Variants in NRG3 observed in about 807,000 individuals in gnomAD.
NRG3 encodes the protein neuregulin 3.
Under a neutral mutation model 66.9 loss-of-function variants are expected in NRG3, and 31 were observed. The ratio of observed to expected loss-of-function variants is 0.46; its 90% CI spans 0.35 to 0.63. The LOEUF (loss-of-function observed/expected upper bound fraction) is 0.63. Ranked by LOEUF, NRG3 falls within the 20% of genes least tolerant of loss-of-function variation. NRG3 has a pLI of 0.00. For missense variants in NRG3, 910 were observed against 878.9 expected (o/e 1.04, Z -0.45); for synonymous variants, 393 against 359.4 (o/e 1.09, Z -1.06).
intron 1 of NRG3, among the ~76,000 whole-genome samples, chr10:82,233,201 A>G (rs1458048822): frequency 6.6e-6 from 1 of 152,246 alleles, no homozygotes; most frequent in Non-Finnish European, 1.5e-5. Flanking sequence ...CGTCTCTACT[A>G]AAAATACAAA....
chr10:82,201,354 T>C lies in NRG3; in HGVS notation c.824-157385T>C, dbSNP rs533905357. On this transcript the variant is annotated intron_variant, in intron 1 of 8. Transcript: ENST00000372141. ...AGCCAACAGTTCTTTGGTGTTCTAATACTGCTTGAGAATGGTTTTGATGTC... is the reference window on the plus strand; with the variant it reads ...AGCCAACAGTTCTTTGGTGTTCTAACACTGCTTGAGAATGGTTTTGATGTC... 2.0e-5 allele frequency among the ~76,000 whole-genome samples: 3 copies of C among 152,284 alleles called. No individual in the cohort carries two copies. The South Asian group carries it at 6.2e-4, about 32-fold the overall frequency.
chr10:82,127,061 C>T (rs1421216395), intron 1 of NRG3, among the ~76,000 whole-genome samples: 1 of 152,094 alleles, frequency 6.6e-6, no homozygotes, highest in Non-Finnish European at 1.5e-5. Context: ...AAAAATAAGC[C>T]TTTCCTAAAG....
At chr10:81,942,778 CGAG>C (rs1848510465) in intron 1 of NRG3, among the ~76,000 whole-genome samples, 1 of 152,124 alleles carries the variant, frequency 6.6e-6, no homozygotes, top group African/African-American at 2.4e-5. Context: ...ATAAGGACTA[CGAG>C]GACAGCAATA....
intron 2 of NRG3, among the ~76,000 whole-genome samples, chr10:82,525,016 G>T (rs2132582417): frequency 6.6e-6 from 1 of 152,002 alleles, no homozygotes; most frequent in South Asian, 2.1e-4. Context: ...GTGATATGCA[G>T]CAGTGATCCC....
At chr10:82,130,858 C>G (rs1056476529) in intron 1 of NRG3, among the ~76,000 whole-genome samples, 2 of 152,092 alleles carry the variant, frequency 1.3e-5, no homozygotes, top group African/African-American at 2.4e-5. Flanking sequence ...AATTTCTATT[C>G]AGATTTTTTG....
chr10:82,815,805 C>A (rs1334158292), intron 3 of NRG3, among the ~76,000 whole-genome samples: 1 of 152,166 alleles, frequency 6.6e-6, no homozygotes, highest in Non-Finnish European at 1.5e-5. Flanking sequence ...GGATCCCACA[C>A]CTGCTAAGGG....
chr10:82,450,313 A>G (rs77231465), intron 2 of NRG3, among the ~76,000 whole-genome samples: 2,255 of 152,204 alleles, frequency 0.015, 64 homozygotes, highest in African/African-American at 0.052. Context: ...CACAGATAAG[A>G]CCTGCAATAG....
At chr10:82,348,581 G>C (rs1273488621) in intron 1 of NRG3, among the ~76,000 whole-genome samples, 1 of 145,798 alleles carries the variant, frequency 6.9e-6, no homozygotes. Context: ...TCTTTGTGGC[G>C]TTCTCTGTAT....
chr10:82,795,087 G>T (rs968388695), intron 3 of NRG3, among the ~76,000 whole-genome samples: 1 of 152,204 alleles, frequency 6.6e-6, no homozygotes, highest in Admixed American at 6.5e-5. Context: ...TATGTTAAGT[G>T]AGTACTATCC....
chr10:82,765,264 A>C (rs2059472168), intron 3 of NRG3, among the ~76,000 whole-genome samples: 1 of 152,174 alleles, frequency 6.6e-6, no homozygotes, highest in Non-Finnish European at 1.5e-5. Context: ...ATAAAATTCA[A>C]TTATTTTTCT....
At chr10:82,733,999 G>C (rs1350858241) in intron 2 of NRG3, among the ~76,000 whole-genome samples, 1 of 152,216 alleles carries the variant, frequency 6.6e-6, no homozygotes, top group Non-Finnish European at 1.5e-5. Flanking sequence ...ACATCAGCAA[G>C]TGAGTGACCT....
At chr10:82,306,703 TAAAAAAAAAAAAAAAAA>T (rs71009805) in intron 1 of NRG3, among the ~76,000 whole-genome samples, 48 of 35,882 alleles carry the variant, frequency 1.3e-3, no homozygotes, top group Admixed American at 1.5e-3. Flanking sequence ...GACTCCGTCT[TAAAAAAAAAAAAAAAAA>T]AAAAAAAAAA....
intron 2 of NRG3, among the ~76,000 whole-genome samples, chr10:82,387,054 C>T (rs2086048026): frequency 6.6e-6 from 1 of 152,214 alleles, no homozygotes; most frequent in Admixed American, 6.5e-5. Flanking sequence ...CCCGCCTTGG[C>T]CTCACAAAGT....
At chr10:81,914,769 C>CAAAAAAAAA (rs58460918) in intron 1 of NRG3, among the ~76,000 whole-genome samples, 57 of 67,142 alleles carry the variant, frequency 8.5e-4, no homozygotes, top group African/African-American at 1.2e-3. Context: ...AAACAGAAAG[C>CAAAAAAAAA]AAAAAAAAAA....
At chr10:82,844,536 C>T (rs1436062965) in intron 3 of NRG3, among the ~76,000 whole-genome samples, 1 of 152,082 alleles carries the variant, frequency 6.6e-6, no homozygotes, top group Admixed American at 6.6e-5. Flanking sequence ...TTTACTTACC[C>T]TTATTGAGAT....
At chr10:82,874,340 G>T (rs1263137457) in intron 4 of NRG3, among the ~76,000 whole-genome samples, 1 of 150,984 alleles carries the variant, frequency 6.6e-6, no homozygotes, top group African/African-American at 2.4e-5. Flanking sequence ...TCAGCCAAAT[G>T]AATTCATATT....
intron 2 of NRG3, among the ~76,000 whole-genome samples, chr10:82,677,947 C>T (rs1382232899): frequency 1.3e-5 from 2 of 152,142 alleles, no homozygotes; most frequent in East Asian, 1.9e-4. Flanking sequence ...GGCCTGCCAG[C>T]GTTTGGAAGG....
intron 6 of NRG3, among the ~76,000 whole-genome samples, chr10:82,960,714 G>A (rs1233982090): frequency 2.0e-5 from 3 of 151,856 alleles, no homozygotes; most frequent in Admixed American, 6.6e-5. Context: ...GAAAATGGCC[G>A]GTCCTTGCCT....
chr10:82,679,697 C>T (rs2053971981), intron 2 of NRG3, among the ~76,000 whole-genome samples: 1 of 152,060 alleles, frequency 6.6e-6, no homozygotes, highest in South Asian at 2.1e-4. Context: ...TGACATATCT[C>T]AATCTTCATA....
Sources: allele counts gnomAD v4.1 joint callset (sites outside exome capture counted in the v4.1 genomes callset), GRCh38; gene constraint gnomAD v4.1.1; transcripts MANE v1.5; gene names NCBI Gene and HGNC (gene_info 2026-07-23, HGNC 2026-07-21).